The following DAB1 variants were observed in gnomAD, a reference collection of about 807,000 sequenced individuals.
DAB1 encodes the protein DAB adaptor protein 1, also known as disabled homolog 1.
DAB1 carries 15 observed loss-of-function variants against 64.6 expected under a neutral mutation model. The ratio of observed to expected loss-of-function variants is 0.23; its 90% CI spans 0.16 to 0.36. The LOEUF is 0.36. Ranked by LOEUF, DAB1 falls within the 10% of genes least tolerant of loss-of-function variation. The pLI is 1.00. For missense variants in DAB1, 596 were observed against 706.7 expected (o/e 0.84, Z 1.78); for synonymous variants, 235 against 251.9 (o/e 0.93, Z 0.64).
chr1:58,334,978 A>G (rs977507188), intron 4 of DAB1, among the ~76,000 whole-genome samples: 1 of 152,206 alleles, frequency 6.6e-6, no homozygotes, highest in Admixed American at 6.5e-5. Context: ...CCTCATGAAG[A>G]GTAAGTGCTT....
chr1:58,159,645 C>G (rs1655415937), intron 4 of DAB1, among the ~76,000 whole-genome samples: 1 of 152,252 alleles, frequency 6.6e-6, no homozygotes, highest in South Asian at 2.1e-4. Context: ...TCTGTGACAG[C>G]AGCTGCAGGA....
chr1:57,794,821 G>C (rs1288388632), intron 6 of DAB1, among the ~76,000 whole-genome samples: 1 of 152,156 alleles, frequency 6.6e-6, no homozygotes, highest in Non-Finnish European at 1.5e-5. Flanking sequence ...AGTTTTCCTA[G>C]CACTCTTCTC....
intron 5 of DAB1, among the ~76,000 whole-genome samples, chr1:57,894,963 A>G (rs976948171): frequency 2.0e-5 from 3 of 152,120 alleles, no homozygotes; most frequent in Admixed American, 1.3e-4. Context: ...AATTGCTACA[A>G]TGTAGACATA....
Position 57,730,315 on chromosome 1 carries a change from T to C in DAB1, n.552-80650A>G, listed in dbSNP as rs554495587. On this transcript the variant is annotated intron_variant and non_coding_transcript_variant, in intron 6 of 20. Coordinates refer to the DAB1 transcript ENST00000485760. ...TAGGATACTGTCATATCTGTAAAACTGTGGAGCAGGAACCTGGAACCAGAG... is the reference window on the plus strand; with the variant it reads ...TAGGATACTGTCATATCTGTAAAACCGTGGAGCAGGAACCTGGAACCAGAG... 2.5e-4 allele frequency among the ~76,000 whole-genome samples: 38 copies of C among 152,346 alleles called. 2 individuals are homozygous for C. In the South Asian group the frequency reaches 7.9e-3, roughly 32 times the overall value.
chr1:57,621,429 C>T (rs2101616877), intron 7 of DAB1, among the ~76,000 whole-genome samples: 1 of 151,758 alleles, frequency 6.6e-6, no homozygotes, highest in East Asian at 1.9e-4. Flanking sequence ...CATGAACCCT[C>T]ACTGAAGGGC....
intron 3 of DAB1, among the ~76,000 whole-genome samples, chr1:58,379,374 A>G (rs1312655446): frequency 3.3e-5 from 5 of 152,248 alleles, no homozygotes; most frequent in Non-Finnish European, 7.3e-5. Flanking sequence ...TATGAAATAC[A>G]AAATTTATTT....
intron 6 of DAB1, among the ~76,000 whole-genome samples, chr1:57,654,761 T>A (rs1468692899): frequency 6.6e-6 from 1 of 152,190 alleles, no homozygotes; most frequent in Non-Finnish European, 1.5e-5. Flanking sequence ...TTTTTTATCT[T>A]ACGTTTCCAC....
chr1:58,432,988 C>T (rs1462655725), intron 3 of DAB1, among the ~76,000 whole-genome samples: 1 of 152,230 alleles, frequency 6.6e-6, no homozygotes, highest in African/African-American at 2.4e-5. Context: ...CCAGGCATTC[C>T]TCTTTGCAAG....
chr1:58,077,015 C>A (rs1165404080), intron 5 of DAB1, among the ~76,000 whole-genome samples: 1 of 152,120 alleles, frequency 6.6e-6, no homozygotes, highest in Non-Finnish European at 1.5e-5. Context: ...TTGGCTCAGG[C>A]CCTGTGCAAG....
At chr1:58,363,001 T>G in intron 3 of DAB1, among the ~76,000 whole-genome samples, 1 of 152,216 alleles carries the variant, frequency 6.6e-6, no homozygotes, top group East Asian at 1.9e-4. Context: ...GCCTTCTCAC[T>G]GTCTGCTCAC....
intron 7 of DAB1, among the ~76,000 whole-genome samples, chr1:57,583,581 G>A (rs964539611): frequency 4.6e-5 from 7 of 152,078 alleles, no homozygotes; most frequent in Non-Finnish European, 7.4e-5. Context: ...CACCACGCCC[G>A]GCCCAGTTTC....
At chr1:57,547,011 A>G (rs1389820709) in intron 7 of DAB1, among the ~76,000 whole-genome samples, 2 of 152,168 alleles carry the variant, frequency 1.3e-5, no homozygotes, top group Admixed American at 1.3e-4. Flanking sequence ...AATGAAAACA[A>G]AACACAAAAA....
intron 1 of DAB1, among the ~76,000 whole-genome samples, chr1:57,357,907 C>A (rs1241328793): frequency 2.0e-5 from 3 of 151,860 alleles, no homozygotes; most frequent in African/African-American, 7.3e-5. Context: ...ATGGGGATTA[C>A]GGGAACTACA....
chr1:58,513,255 T>C (rs927175254), intron 2 of DAB1, among the ~76,000 whole-genome samples: 1 of 152,200 alleles, frequency 6.6e-6, no homozygotes, highest in Non-Finnish European at 1.5e-5. Flanking sequence ...TTCTGCTATG[T>C]AAGACATACC....
At chr1:57,863,568 G>A (rs564756621) in intron 1 of DAB1, among the ~76,000 whole-genome samples, 162 of 152,248 alleles carry the variant, frequency 1.1e-3, no homozygotes, top group African/African-American at 3.9e-3. Flanking sequence ...GTGTGAAAGT[G>A]TGTGTGTTCT....
Position 57,840,518 on chromosome 1 carries a change from C to T in DAB1, n.88-14063G>A, listed in dbSNP as rs144362347. 2.3e-3 allele frequency among the ~76,000 whole-genome samples: 353 copies of T among 151,932 alleles called. 2 individuals carry two copies. The highest frequency in any genetic ancestry group is 7.6e-3 in the African/African-American group (313 of 41,424). ...AGGGTATTAGTCAATTTTCACACTG[C>T]CATAAAGAACTACTTGAGACTGGGT... is the stretch of plus-strand genomic sequence containing the variant. On this transcript the variant is annotated intron_variant and non_coding_transcript_variant, in intron 1 of 1. Transcript: ENST00000477280.
intron 4 of DAB1, among the ~76,000 whole-genome samples, chr1:58,257,829 G>T: frequency 6.6e-6 from 1 of 152,274 alleles, no homozygotes; most frequent in Non-Finnish European, 1.5e-5. Flanking sequence ...GGTTTATGAT[G>T]TAAGGCCCCA....
chr1:58,367,470 C>T (rs1644227394), intron 3 of DAB1, among the ~76,000 whole-genome samples: 1 of 152,160 alleles, frequency 6.6e-6, no homozygotes, highest in Non-Finnish European at 1.5e-5. Flanking sequence ...GGCCATGCCC[C>T]ACAGCATGAG....
intron 4 of DAB1, among the ~76,000 whole-genome samples, chr1:58,235,344 C>A (rs1418352686): frequency 6.6e-6 from 1 of 152,184 alleles, no homozygotes; most frequent in Non-Finnish European, 1.5e-5. Flanking sequence ...CTGAATGCAG[C>A]ACTCAATTGC....
Sources: gnomAD v4.1 joint callset for allele counts (sites outside exome capture counted in the v4.1 genomes callset) on GRCh38, gnomAD v4.1.1 for gene constraint, MANE v1.5 for transcripts, NCBI Gene and HGNC (gene_info 2026-07-23, HGNC 2026-07-21) for gene names.